The following RNF121 variants were observed in gnomAD, a reference collection of about 807,000 sequenced individuals.
RNF121 encodes the protein E3 ubiquitin ligase RNF121.
RNF121 carries 21 observed loss-of-function variants against 46.5 expected under a neutral mutation model. The observed-to-expected ratio is 0.45, with a 90% CI of 0.32 to 0.65. RNF121 has a LOEUF of 0.65. RNF121 is among the 30% of genes least tolerant of loss of function. The pLI is 0.04. For missense variants in RNF121, 346 were observed against 416.0 expected (o/e 0.83, Z 1.46); for synonymous variants, 139 against 144.7 (o/e 0.96, Z 0.28).
intron 5 of RNF121, among the ~76,000 whole-genome samples, chr11:71,987,669 G>A (rs1160218042): frequency 6.6e-6 from 1 of 152,122 alleles, no homozygotes; most frequent in African/African-American, 2.4e-5. Context: ...AGACCATATG[G>A]GCTACAAAAC....
intron 5 of RNF121, among the ~76,000 whole-genome samples, chr11:71,988,132 T>G (rs1402259950): frequency 1.3e-5 from 2 of 152,214 alleles, no homozygotes; most frequent in Admixed American, 6.5e-5. Context: ...GCTGCTCTGT[T>G]GCTTCCTAAG....
chr11:71,974,791 A>C (rs1954493666), intron 3 of RNF121, among the ~76,000 whole-genome samples: 1 of 152,096 alleles, frequency 6.6e-6, no homozygotes, highest in Admixed American at 6.6e-5. Flanking sequence ...TTGCCTCCCC[A>C]GCCTCTCCAG....
intron 3 of RNF121, among the ~76,000 whole-genome samples, chr11:71,979,823 G>GT (rs1554990648): frequency 6.6e-6 from 1 of 152,136 alleles, no homozygotes; most frequent in Non-Finnish European, 1.5e-5. Context: ...AGGAGTTTCT[G>GT]TTTTTTTCTC....
At chr11:71,947,571 T>C (rs1424283439) in intron 1 of RNF121, among the ~76,000 whole-genome samples, 1 of 151,830 alleles carries the variant, frequency 6.6e-6, no homozygotes, top group African/African-American at 2.4e-5. Context: ...AAGAAAGCAC[T>C]GAGGGATGAA....
At chr11:71,955,869 G>A (rs540959344) in intron 1 of RNF121, among the ~76,000 whole-genome samples, 4 of 152,298 alleles carry the variant, frequency 2.6e-5, no homozygotes, top group African/African-American at 9.6e-5. Context: ...CTGAGTCAGG[G>A]CACCTGAATA....
chr11:71,962,864 C>T (rs989533461), intron 3 of RNF121, among the ~76,000 whole-genome samples: 4 of 152,114 alleles, frequency 2.6e-5, no homozygotes, highest in Non-Finnish European at 5.9e-5. Flanking sequence ...AGACTTCTTA[C>T]TTCTTTCACT....
intron 2 of RNF121, among the ~76,000 whole-genome samples, chr11:71,960,522 T>C (rs1177801360): frequency 6.6e-6 from 1 of 152,154 alleles, no homozygotes; most frequent in Non-Finnish European, 1.5e-5. Context: ...TTAGCTCTAA[T>C]TCCAATATCT....
chr11:71,983,059 G>A (rs991790608), intron 4 of RNF121, 144 bp downstream of exon 4: 6 of 613,902 alleles, frequency 9.8e-6, no homozygotes, highest in South Asian at 4.9e-5. Flanking sequence ...AAAACAAGCT[G>A]ATTGGTAGAA....
At position 71,933,269 on chromosome 11, in the gene RNF121, T is replaced by G. The variant is rs193295788; in HGVS notation, c.63+4145T>G. On this transcript the variant is annotated intron_variant, in intron 1 of 8. Transcript: ENST00000361756. ...TGGCTAGTGCCTGTGAATCTGGATG[T>G]GTCCACTCTCAAGTCCTATTTATCT... Among the ~76,000 whole-genome samples, 8 of 152,328 alleles carry G rather than the reference T, an allele frequency of 5.3e-5. No individual in the cohort carries two copies. The East Asian group carries it at 7.7e-4, about 15-fold the overall frequency.
At chr11:71,942,803 T>TACACAA (rs56950003) in intron 1 of RNF121, among the ~76,000 whole-genome samples, 130,570 of 147,506 alleles carry the variant, frequency 0.89, 58,407 homozygotes, top group Non-Finnish European at 0.97. Flanking sequence ...TATATATATG[T>TACACAA]ACACACACAC....
intron 1 of RNF121, among the ~76,000 whole-genome samples, chr11:71,939,821 T>C (rs1223686298): frequency 6.6e-6 from 1 of 152,242 alleles, no homozygotes; most frequent in African/African-American, 2.4e-5. Context: ...GGTACTCTTT[T>C]TAGTCTTGGG....
intron 2 of RNF121, among the ~76,000 whole-genome samples, chr11:71,959,653 T>G (rs1445340066): frequency 6.7e-6 from 1 of 149,676 alleles, no homozygotes; most frequent in Non-Finnish European, 1.5e-5. Flanking sequence ...TTTTTTTTTT[T>G]GAGATGGAAT....
intron 3 of RNF121, among the ~76,000 whole-genome samples, chr11:71,966,117 T>G (rs1954270418): frequency 6.6e-6 from 1 of 152,130 alleles, no homozygotes; most frequent in Non-Finnish European, 1.5e-5. Flanking sequence ...CCTCCCAGGT[T>G]CAAGTGATTC....
At chr11:71,990,514 C>A in intron 5 of RNF121, 83 bp from the exon 6 acceptor site, 1 of 1,536,966 alleles carries the variant, frequency 6.5e-7, no homozygotes, top group South Asian at 1.3e-5. Flanking sequence ...CGCTTTGGGC[C>A]CTGCCTTGTG....
chr11:71,954,126 A>G (rs1953938512), intron 1 of RNF121, among the ~76,000 whole-genome samples: 1 of 152,206 alleles, frequency 6.6e-6, no homozygotes, highest in Non-Finnish European at 1.5e-5. Context: ...GCTTTGGACA[A>G]GGTGCCTTCA....
intron 5 of RNF121, among the ~76,000 whole-genome samples, chr11:71,989,983 T>C (rs1431620324): frequency 6.6e-6 from 1 of 152,150 alleles, no homozygotes; most frequent in Non-Finnish European, 1.5e-5. Context: ...GAGAAAAAAC[T>C]CCTACCCTGT....
At chr11:71,954,816 C>G (rs1387251191) in intron 1 of RNF121, among the ~76,000 whole-genome samples, 1 of 152,094 alleles carries the variant, frequency 6.6e-6, no homozygotes, top group Non-Finnish European at 1.5e-5. Flanking sequence ...TACTCCTTTC[C>G]CTGATGCTTA....
At chr11:71,955,614 A>G (rs1032142207) in intron 1 of RNF121, among the ~76,000 whole-genome samples, 2 of 152,190 alleles carry the variant, frequency 1.3e-5, no homozygotes, top group African/African-American at 4.8e-5. Flanking sequence ...AGGGCATTGT[A>G]AGTACAAGGA....
Position 71,958,310 on chromosome 11 carries a change from T to C in RNF121, c.101+1046T>C, listed in dbSNP as rs1028404482. 3.9e-5 allele frequency among the ~76,000 whole-genome samples: 6 copies of C among 152,142 alleles called. No homozygotes were observed. The East Asian group carries it at 9.6e-4, about 24-fold the overall frequency. Reference sequence around the variant, plus strand: ...GTTAGCCTCAAAGGGCACAGGAAAATAGTGGTAGGAACAGGATGGTTTTGT... The same window carrying C: ...GTTAGCCTCAAAGGGCACAGGAAAACAGTGGTAGGAACAGGATGGTTTTGT... On this transcript the variant is annotated intron_variant, in intron 2 of 8. Coordinates refer to ENST00000361756, the MANE Select transcript of RNF121 (RefSeq NM_018320.5).
Sources: gnomAD v4.1 joint callset for allele counts (sites outside exome capture counted in the v4.1 genomes callset) on GRCh38, gnomAD v4.1.1 for gene constraint, MANE v1.5 for transcripts, NCBI Gene and HGNC (gene_info 2026-07-23, HGNC 2026-07-21) for gene names.